Variants in ARFGEF3 observed in about 807,000 individuals in gnomAD.
ARFGEF3 encodes brefeldin A-inhibited guanine nucleotide-exchange protein 3.
A neutral mutation model predicts 221.7 loss-of-function variants in ARFGEF3; 96 were observed. That is an observed-to-expected ratio of 0.43 (90% CI 0.37 to 0.51). ARFGEF3 has a LOEUF of 0.51. Ranked by LOEUF, ARFGEF3 falls within the 20% of genes least tolerant of loss-of-function variation. ARFGEF3 has a pLI of 0.00. For missense variants in ARFGEF3, 2,410 were observed against 2,789.9 expected (o/e 0.86, Z 3.07); for synonymous variants, 1,145 against 1,126.8 (o/e 1.02, Z -0.32).
intron 10 of ARFGEF3, 45 bp downstream of exon 10, chr6:138,255,814 G>C: frequency 7.0e-7 from 1 of 1,430,462 alleles, no homozygotes; most frequent in East Asian, 2.5e-5. Flanking sequence ...AAGGGGGCCT[G>C]ACCAGCGTTT....
chr6:138,293,062 C>T (rs1030178196), intron 19 of ARFGEF3, among the ~76,000 whole-genome samples: 2 of 152,052 alleles, frequency 1.3e-5, no homozygotes, highest in African/African-American at 4.8e-5. Context: ...ATGTTTAATC[C>T]GCTAATTCCC....
chr6:138,329,225 A>T (rs552673316), intron 32 of ARFGEF3, among the ~76,000 whole-genome samples: 115 of 152,312 alleles, frequency 7.6e-4, no homozygotes, highest in African/African-American at 2.6e-3. Context: ...CTGACACGTT[A>T]ATAGTAATAC....
intron 2 of ARFGEF3, 38 bp from the exon 3 acceptor site, chr6:138,207,004 C>G (rs1019479544): frequency 9.7e-6 from 15 of 1,547,236 alleles, no homozygotes; most frequent in African/African-American, 1.4e-5. Flanking sequence ...GCCAGCTTTA[C>G]TGAGCTCACA....
At chr6:138,310,584 G>A (rs1398529019) in intron 24 of ARFGEF3, among the ~76,000 whole-genome samples, 1 of 152,100 alleles carries the variant, frequency 6.6e-6, no homozygotes, top group Admixed American at 6.5e-5. Flanking sequence ...ATGCCTCTTT[G>A]CTTCTGAATT....
Position 138,319,361 on chromosome 6 carries a change from A to G in ARFGEF3, c.4475-342A>G, listed in dbSNP as rs745546750. Among the ~76,000 whole-genome samples the G allele has an allele frequency of 1.1e-4, 16 of 151,740 alleles. No homozygotes were observed. In the South Asian group the frequency reaches 1.2e-3, roughly 12 times the overall value. On this transcript the variant is annotated intron_variant, in intron 27 of 33. Transcript: ENST00000251691. The stretch of plus-strand genomic sequence containing the variant: ...ATATTTCCCCATGTAGTTAGATTTC[A>G]TAAATGTATGATTTCAAAGGGTATT...
chr6:138,266,279 G>A (rs1056595591), intron 12 of ARFGEF3, among the ~76,000 whole-genome samples: 2 of 151,408 alleles, frequency 1.3e-5, no homozygotes, highest in Non-Finnish European at 1.5e-5. Context: ...AGGAAGGGAA[G>A]GGAAGGCAAG....
rs548970702 is a variant in ARFGEF3 at position 138,308,907 on chromosome 6, T to C, written c.4096+46T>C. ...ATGCCTTGTAACTGCTGAGGACCCT[T>C]TCCAGGGTGGCTCTGTGGCTGGAGA... On this transcript the variant is annotated intron_variant, in intron 24 of 33. Transcript: ENST00000251691. 5.0e-6 allele frequency: 8 copies of C among 1,611,730 alleles called. No homozygotes were observed. The East Asian group carries it at 8.9e-5, about 18-fold the overall frequency.
chr6:138,287,192 C>G lies in ARFGEF3; in HGVS notation c.2896+8C>G, dbSNP rs535124569. 1.4e-5 allele frequency: 22 copies of G among 1,555,090 alleles called. No homozygotes were observed. The South Asian group carries it at 2.6e-4, about 18-fold the overall frequency. ...GTGATGCCATCACACAAGGTAACAA[C>G]TGGAGGGCCAGAACCCACCTGGTGC... is the stretch of plus-strand genomic sequence containing the variant. On this transcript the variant is annotated splice_region_variant and intron_variant, in intron 17 of 33. Coordinates refer to ENST00000251691, the MANE Select transcript of ARFGEF3 (RefSeq NM_020340.5).
chr6:138,335,119 G>T lies in ARFGEF3; in HGVS notation c.6273G>T (p.Lys2091Asn). 1.2e-6 allele frequency: 2 copies of T among 1,600,530 alleles called. No homozygotes were observed. The highest frequency in any genetic ancestry group is 1.7e-5 in the Admixed American group (1 of 58,276). ...SAGPELLRQD[K>N]RPRSGSTGSS... ...GCCCCGAGCTGCTGCGACAGGACAA[G>T]AGGCCCCGCTCAGGCTCCACCGGGA... Residue 2091 changes from lysine (K) to asparagine (N), a missense_variant, in exon 33 of 34, where the codon AAG (lysine) becomes AAT (asparagine). Physicochemically the swap from Lys to Asn is moderately conservative, Grantham distance 94 (BLOSUM62 0). Around this residue, in one of 5 missense-constraint regions of ARFGEF3, gnomAD observed 339 missense variants for 334.9 expected, o/e 1.01. Transcript: ENST00000251691.
chr6:138,327,576 C>G (rs1780149485), intron 31 of ARFGEF3, among the ~76,000 whole-genome samples: 1 of 152,182 alleles, frequency 6.6e-6, no homozygotes, highest in African/African-American at 2.4e-5. Flanking sequence ...TCTGCCATGC[C>G]TAGTAGAACA....
At position 138,340,081 on chromosome 6, in the gene ARFGEF3, T is replaced by C. The variant is rs1372547696; in HGVS notation, c.*3595T>C. 1 of 152,104 alleles carries C rather than the reference T, an allele frequency of 6.6e-6. No individual in the cohort carries two copies. The allele number at this position is 152,104 out of a possible 1,614,324, so 9.4% of individuals were successfully genotyped here. A position where few individuals can be genotyped will look rare whatever the true frequency, so the allele number is the denominator to read the frequency against. On this transcript the variant is annotated 3_prime_UTR_variant, in exon 34 of 34. Transcript: ENST00000251691. Reference sequence around the variant, plus strand: ...CCCCGTCTCTACTAAAAATACAAAATTAGCCGGGCATGGTGGCAGCTGCCT... The same window carrying C: ...CCCCGTCTCTACTAAAAATACAAAACTAGCCGGGCATGGTGGCAGCTGCCT...
chr6:138,181,277 A>G lies in ARFGEF3; in HGVS notation c.137+10564A>G, dbSNP rs80247604. 2.9e-3 allele frequency among the ~76,000 whole-genome samples: 446 copies of G among 152,248 alleles called. 4 individuals carry two copies. Among genetic ancestry groups the G allele is most frequent in the Middle Eastern group, 0.027 (8 of 294 alleles). ...ATGTTGACTTGAGTGATATTTTAGG[A>G]TGTGCACGAATTATTAATCTTCAGA... On this transcript the variant is annotated intron_variant, in intron 2 of 33. Coordinates refer to ENST00000251691, the MANE Select transcript of ARFGEF3 (RefSeq NM_020340.5).
chr6:138,209,331 C>T (rs1270736303), intron 3 of ARFGEF3, among the ~76,000 whole-genome samples: 1 of 152,190 alleles, frequency 6.6e-6, no homozygotes, highest in Non-Finnish European at 1.5e-5. Context: ...ATTCTCCATT[C>T]CCACCACCTA....
intron 22 of ARFGEF3, among the ~76,000 whole-genome samples, chr6:138,299,158 C>G (rs532670908): frequency 7.1e-6 from 1 of 141,160 alleles, no homozygotes; most frequent in Non-Finnish European, 1.5e-5. Flanking sequence ...AGATCAATCA[C>G]GCCACTGCAC....
chr6:138,278,382 C>G (rs111573430), intron 12 of ARFGEF3, 69 bp from the exon 13 acceptor site: 10 of 1,448,548 alleles, frequency 6.9e-6, no homozygotes, highest in Middle Eastern at 1.8e-4. Flanking sequence ...GGGTTCGCAG[C>G]TCTCTGGAAG....
chr6:138,195,730 G>A (rs963722498), intron 2 of ARFGEF3, among the ~76,000 whole-genome samples: 2 of 152,138 alleles, frequency 1.3e-5, no homozygotes, highest in Non-Finnish European at 1.5e-5. Context: ...AAGGCTCCTA[G>A]AAGAGGAAAC....
intron 10 of ARFGEF3, among the ~76,000 whole-genome samples, chr6:138,259,864 A>G (rs964155103): frequency 3.3e-5 from 5 of 152,148 alleles, no homozygotes; most frequent in African/African-American, 1.2e-4. Flanking sequence ...CAGTGAGCCA[A>G]GATTGTGCTG....
chr6:138,170,511 A>G, intron 1 of ARFGEF3, 151 bp from the exon 2 acceptor site: 1 of 571,216 alleles, frequency 1.8e-6, no homozygotes, highest in Non-Finnish European at 3.1e-6. Flanking sequence ...AGGATTTTAA[A>G]ATATGAAGGA....
At chr6:138,238,365 G>A (rs537400955) in intron 5 of ARFGEF3, 144 bp from the exon 6 acceptor site, 3 of 656,368 alleles carry the variant, frequency 4.6e-6, no homozygotes, top group Non-Finnish European at 4.7e-6. Context: ...AATATATTTA[G>A]TTATATTTAG....
Sources: gnomAD v4.1 joint callset for allele counts (sites outside exome capture counted in the v4.1 genomes callset) on GRCh38, gnomAD v4.1.1 for gene constraint, gnomAD v4.1.1 regional missense constraint, MANE v1.5 for transcripts, NCBI Gene and HGNC (gene_info 2026-07-23, HGNC 2026-07-21) for gene names.